Variants in HEATR5B observed in about 807,000 individuals in gnomAD.
The protein encoded by HEATR5B is HEAT repeat-containing protein 5B.
A neutral mutation model predicts 224.1 loss-of-function variants in HEATR5B; 156 were observed. The observed-to-expected ratio is 0.70, with a 90% CI of 0.61 to 0.80. HEATR5B has a LOEUF of 0.80. HEATR5B is among the 30% of genes least tolerant of loss of function. The pLI is 0.00. For synonymous variants in HEATR5B, 1,027 were observed against 893.0 expected (o/e 1.15, Z -2.68); for missense variants, 2,323 against 2,535.5 (o/e 0.92, Z 1.80).
intron 27 of HEATR5B, among the ~76,000 whole-genome samples, chr2:37,010,475 T>C (rs1023413087): frequency 2.6e-5 from 4 of 151,942 alleles, no homozygotes; most frequent in African/African-American, 9.7e-5. Flanking sequence ...TCATATCTTC[T>C]AGTGAGTACA....
chr2:37,037,232 G>A (rs1669551596), intron 21 of HEATR5B, among the ~76,000 whole-genome samples: 3 of 147,988 alleles, frequency 2.0e-5, no homozygotes, highest in South Asian at 2.2e-4. Context: ...TGCAACCTCC[G>A]CCTCCTGGGT....
At chr2:37,074,278 G>A (rs1465449864) in intron 5 of HEATR5B, among the ~76,000 whole-genome samples, 2 of 143,914 alleles carry the variant, frequency 1.4e-5, no homozygotes, top group Admixed American at 1.4e-4. Flanking sequence ...AGTAGAGATC[G>A]CACCACTGCA....
chr2:37,067,167 C>A (rs1330556515), intron 8 of HEATR5B, among the ~76,000 whole-genome samples: 2 of 152,102 alleles, frequency 1.3e-5, no homozygotes, highest in African/African-American at 4.8e-5. Context: ...AGCTACCATG[C>A]CTGGCCAAAT....
At chr2:37,019,629 G>T (rs1409144014) in intron 26 of HEATR5B, among the ~76,000 whole-genome samples, 180 bp downstream of exon 26, 3 of 151,844 alleles carry the variant, frequency 2.0e-5, no homozygotes, top group African/African-American at 7.3e-5. Context: ...ACTAATTTTT[G>T]TATTTTTTGT....
chr2:36,985,956 C>T (rs1442240779), intron 35 of HEATR5B, among the ~76,000 whole-genome samples: 2 of 151,710 alleles, frequency 1.3e-5, no homozygotes, highest in Non-Finnish European at 2.9e-5. Context: ...TTCTTACTGT[C>T]AAAAAAATCA....
chr2:37,007,749 G>A (rs1195838253), intron 28 of HEATR5B, among the ~76,000 whole-genome samples: 1 of 152,280 alleles, frequency 6.6e-6, no homozygotes, highest in East Asian at 1.9e-4. Flanking sequence ...GCCACCAAAA[G>A]TAACCCCTTT....
chr2:37,011,471 A>G (rs191649244), intron 27 of HEATR5B, among the ~76,000 whole-genome samples: 3 of 152,348 alleles, frequency 2.0e-5, no homozygotes, highest in Admixed American at 2.0e-4. Context: ...ATTTTATTTT[A>G]ATAATTATGC....
intron 33 of HEATR5B, among the ~76,000 whole-genome samples, 182 bp from the exon 34 acceptor site, chr2:36,990,981 T>G (rs1414354699): frequency 6.6e-6 from 1 of 152,100 alleles, no homozygotes; most frequent in South Asian, 2.1e-4. Context: ...TCAGCCACTG[T>G]GCCTGGCCAG....
chr2:37,041,279 G>C lies in HEATR5B; in HGVS notation c.2710C>G (p.Arg904Gly), dbSNP rs1385297557. Residue 904 changes from arginine to glycine, a missense_variant, in exon 19 of 36, where the codon CGA (arginine) becomes GGA (glycine). Coordinates refer to ENST00000233099, the MANE Select transcript of HEATR5B (RefSeq NM_019024.3). ...QYSFDKLKSA[R>G]DVVSRTGHSL... The stretch of plus-strand genomic sequence containing the variant: ...TGACCAGTCCTAGATACAACATCTC[G>C]AGCCGATTTCAACCTGAAAAAAAGA... The C allele has an allele frequency of 4.3e-6, 7 of 1,613,402 alleles. No individual in the cohort carries two copies. Among genetic ancestry groups the C allele is most frequent in the South Asian group, 1.1e-5 (1 of 90,988 alleles).
At chr2:37,024,224 T>C (rs1045013866) in intron 24 of HEATR5B, among the ~76,000 whole-genome samples, 1 of 152,208 alleles carries the variant, frequency 6.6e-6, no homozygotes, top group African/African-American at 2.4e-5. Context: ...GAGAGTAGAA[T>C]GGCGGTTACC....
intron 18 of HEATR5B, among the ~76,000 whole-genome samples, chr2:37,044,989 T>C (rs553150906): frequency 7.9e-5 from 12 of 152,336 alleles, no homozygotes; most frequent in Non-Finnish European, 1.5e-4. Context: ...CTGTTCTTCC[T>C]ACCTCATTGT....
At position 37,028,192 on chromosome 2, in the gene HEATR5B, A is replaced by G. The variant is rs1368826692; in HGVS notation, c.3602-18T>C. 6.5e-7 allele frequency: 1 copy of G among 1,546,524 alleles called. No homozygotes were observed. Among genetic ancestry groups the G allele is most frequent in the Admixed American group, 1.8e-5 (1 of 55,246 alleles). On this transcript the variant is annotated intron_variant, in intron 23 of 35. Transcript: ENST00000233099. ...ACTCATATCTATAACAAGAATAAGG[A>G]ATATTGTAACAATCTCACATAAGCA...
intron 19 of HEATR5B, 42 bp downstream of exon 19, chr2:37,041,091 A>T (rs756433144): frequency 6.5e-7 from 1 of 1,546,648 alleles, no homozygotes; most frequent in Non-Finnish European, 8.8e-7. Flanking sequence ...TTTCCAAAAA[A>T]TTTTCTAAAC....
intron 2 of HEATR5B, 116 bp downstream of exon 2, chr2:37,083,173 T>C: frequency 8.5e-7 from 1 of 1,170,750 alleles, no homozygotes; most frequent in South Asian, 1.3e-5. Context: ...TGTAATACTC[T>C]CAAGTTCCAT....
intron 16 of HEATR5B, chr2:37,055,037 C>T: frequency 2.8e-6 from 1 of 356,076 alleles, no homozygotes; most frequent in Non-Finnish European, 5.8e-6. Context: ...TGTATACATG[C>T]ACATTTTGAT....
intron 18 of HEATR5B, among the ~76,000 whole-genome samples, chr2:37,049,297 G>C (rs762054704): frequency 1.3e-5 from 2 of 152,240 alleles, no homozygotes; most frequent in Middle Eastern, 6.8e-3. Context: ...ATAATTAACA[G>C]AAAGAATAAA....
chr2:37,078,372 T>G (rs568549230), intron 3 of HEATR5B, among the ~76,000 whole-genome samples: 1 of 152,330 alleles, frequency 6.6e-6, no homozygotes, highest in East Asian at 1.9e-4. Context: ...CGGCATACAT[T>G]AGAGATTTCC....
chr2:37,057,248 A>C, intron 15 of HEATR5B, 69 bp downstream of exon 15: 1 of 1,193,036 alleles, frequency 8.4e-7, no homozygotes, highest in Admixed American at 2.7e-5. Flanking sequence ...TTTCTTTTTA[A>C]GTGACAATGT....
At chr2:36,990,561 A>G in intron 34 of HEATR5B, 87 bp downstream of exon 34, 1 of 1,219,082 alleles carries the variant, frequency 8.2e-7, no homozygotes, top group Non-Finnish European at 1.1e-6. Flanking sequence ...GCTTTTCATT[A>G]TGTATCACAT....
Sources: gnomAD v4.1 joint callset for allele counts (sites outside exome capture counted in the v4.1 genomes callset) on GRCh38, gnomAD v4.1.1 for gene constraint, MANE v1.5 for transcripts, NCBI Gene and HGNC (gene_info 2026-07-23, HGNC 2026-07-21) for gene names.